The following HTR7 variants were observed in gnomAD, a reference collection of about 807,000 sequenced individuals.
The protein encoded by HTR7 is 5-HT-7.
Under a neutral mutation model 34.0 loss-of-function variants are expected in HTR7, and 16 were observed. The observed-to-expected ratio is 0.47, with a 90% CI of 0.32 to 0.71. HTR7 has a LOEUF of 0.71. Among genes scored for constraint, HTR7 ranks in the 30% least tolerant of loss-of-function variants. HTR7 has a pLI of 0.04. For synonymous variants in HTR7, 265 were observed against 260.2 expected (o/e 1.02, Z -0.18); for missense variants, 504 against 625.5 (o/e 0.81, Z 2.07).
intron 1 of HTR7, among the ~76,000 whole-genome samples, chr10:90,845,000 T>C (rs1846392084): frequency 1.3e-5 from 2 of 152,190 alleles, no homozygotes; most frequent in African/African-American, 4.8e-5. Context: ...CCCAAGAGGC[T>C]ACTGTGAGTG....
intron 2 of HTR7, among the ~76,000 whole-genome samples, chr10:90,746,144 T>A (rs1844629874): frequency 1.3e-5 from 2 of 152,198 alleles, no homozygotes. Context: ...TTTTGTTATT[T>A]TCAGAATGGA....
In HTR7 at chr10:90,824,571, T is replaced by C. The variant is rs549838514; in HGVS notation, c.539+32562A>G. ...GCTGGGTAGAGCACCAAGCAGGCCCTTGGTGTTCCCTAATTCCAGGCCTTG... is the reference window on the plus strand; with the variant it reads ...GCTGGGTAGAGCACCAAGCAGGCCCCTGGTGTTCCCTAATTCCAGGCCTTG... On this transcript the variant is annotated intron_variant, in intron 1 of 3. Coordinates refer to ENST00000336152, the MANE Select transcript of HTR7 (RefSeq NM_019859.4). Among the ~76,000 whole-genome samples the C allele has an allele frequency of 2.6e-5, 4 of 152,324 alleles. No homozygotes were observed. The South Asian group carries it at 8.3e-4, about 32-fold the overall frequency.
intron 1 of HTR7, among the ~76,000 whole-genome samples, chr10:90,844,726 C>CAAAAAAAAAAAAAAAAAA (rs71025328): frequency 2.5e-5 from 1 of 39,476 alleles, no homozygotes; most frequent in Non-Finnish European, 5.0e-5. Flanking sequence ...GACTCCGTCT[C>CAAAAAAAAAAAAAAAAAA]AAAAAAAAAA....
rs1456060957 is a variant in HTR7, at chr10:90,831,323, T to C, written c.539+25810A>G. Among the ~76,000 whole-genome samples the C allele has an allele frequency of 3.9e-5, 6 of 152,222 alleles. No individual in the cohort carries two copies. The East Asian group carries it at 9.7e-4, about 24-fold the overall frequency. On this transcript the variant is annotated intron_variant, in intron 1 of 3. Coordinates refer to ENST00000336152, the MANE Select transcript of HTR7 (RefSeq NM_019859.4). ...GAGTTTCTTCCTTCTGGTGGGTTCA[T>C]GGTCTCGCTGACTCAGGAGTGAAGC...
chr10:90,786,459 T>C (rs78606578), intron 1 of HTR7, among the ~76,000 whole-genome samples: 2,600 of 152,298 alleles, frequency 0.017, 85 homozygotes, highest in African/African-American at 0.058. Context: ...TATTTGTTCC[T>C]AATATCTAAG....
At chr10:90,830,055 C>T (rs1048413678) in intron 1 of HTR7, among the ~76,000 whole-genome samples, 5 of 152,236 alleles carry the variant, frequency 3.3e-5, no homozygotes, top group South Asian at 2.1e-4. Context: ...ACACCAATGA[C>T]ATTTCTCACA....
intron 1 of HTR7, among the ~76,000 whole-genome samples, chr10:90,803,735 G>A (rs774992557): frequency 2.6e-5 from 4 of 152,140 alleles, no homozygotes; most frequent in African/African-American, 7.2e-5. Flanking sequence ...CCTACCTACT[G>A]TAACAATTCT....
intron 1 of HTR7, among the ~76,000 whole-genome samples, chr10:90,796,274 A>G (rs1845536621): frequency 6.6e-6 from 1 of 152,228 alleles, no homozygotes; most frequent in Non-Finnish European, 1.5e-5. Context: ...TACTGTCACA[A>G]CTAACTGAAT....
intron 2 of HTR7, chr10:90,744,098 C>G: frequency 2.8e-6 from 1 of 357,594 alleles, no homozygotes; most frequent in South Asian, 2.3e-5. Flanking sequence ...GACTAGAAGC[C>G]CAGAAGCTAG....
At position 90,826,712 on chromosome 10, in the gene HTR7, C is replaced by T. The variant is rs182626455; in HGVS notation, c.539+30421G>A. 8.5e-4 allele frequency among the ~76,000 whole-genome samples: 129 copies of T among 151,662 alleles called. 1 individual carries two copies. In the East Asian group the frequency reaches 0.011, roughly 12 times the overall value. On this transcript the variant is annotated intron_variant, in intron 1 of 3. Coordinates refer to ENST00000336152, the MANE Select transcript of HTR7 (RefSeq NM_019859.4). The stretch of plus-strand genomic sequence containing the variant: ...CAGCACTTTGGGAGGCTGAGGCGGG[C>T]GGATCACGAGCTCAGGAGATCGAGA...
chr10:90,805,485 T>C (rs1342207861), intron 1 of HTR7, among the ~76,000 whole-genome samples: 1 of 152,152 alleles, frequency 6.6e-6, no homozygotes, highest in Non-Finnish European at 1.5e-5. Flanking sequence ...GACAGTGTCT[T>C]AAAGTTAACA....
Position 90,857,054 on chromosome 10 carries a change from C to G in HTR7, c.539+79G>C, listed in dbSNP as rs1846591675. ...CGCCTTGAAGTCTAGCTTGATCCTC[C>G]CAGGAAAGGCGAGCGCGCGGGGCTG... On this transcript the variant is annotated intron_variant, in intron 1 of 3. Coordinates refer to ENST00000336152, the MANE Select transcript of HTR7 (RefSeq NM_019859.4). The surrounding 1 kb of genome is among the most constrained non-coding windows in gnomAD (Gnocchi z 6.5). The G allele has an allele frequency of 1.5e-6, 2 of 1,337,454 alleles. No individual in the cohort carries two copies. Among genetic ancestry groups the G allele is most frequent in the Non-Finnish European group, 2.0e-6 (2 of 990,268 alleles). The allele number at this position is 1,337,454 out of a possible 1,614,324, so 82.8% of individuals were successfully genotyped here. A position where few individuals can be genotyped will look rare whatever the true frequency, so the allele number is the denominator to read the frequency against.
At chr10:90,804,243 C>T (rs1845669803) in intron 1 of HTR7, among the ~76,000 whole-genome samples, 1 of 152,132 alleles carries the variant, frequency 6.6e-6, no homozygotes. Context: ...CTCCATCACT[C>T]AACAAAACCT....
chr10:90,746,060 T>C (rs1050471205), intron 2 of HTR7, among the ~76,000 whole-genome samples: 1 of 152,220 alleles, frequency 6.6e-6, no homozygotes, highest in Admixed American at 6.5e-5. Context: ...AACACAGATG[T>C]CCTGGGCTCA....
intron 1 of HTR7, among the ~76,000 whole-genome samples, chr10:90,856,391 T>A (rs998996552): frequency 6.6e-6 from 1 of 152,174 alleles, no homozygotes. Context: ...CCTAGTTCAA[T>A]ATGACACCCA....
intron 1 of HTR7, among the ~76,000 whole-genome samples, chr10:90,781,950 C>G (rs1363422169): frequency 6.6e-6 from 1 of 152,224 alleles, no homozygotes; most frequent in Admixed American, 6.5e-5. Context: ...GCACTTTCTC[C>G]TTTGACTGCA....
intron 1 of HTR7, among the ~76,000 whole-genome samples, chr10:90,759,830 G>A (rs1042339951): frequency 6.6e-6 from 1 of 152,194 alleles, no homozygotes; most frequent in East Asian, 1.9e-4. Context: ...AGCAAGGTAG[G>A]ATACAGTGTT....
At chr10:90,771,083 G>A (rs757266012) in intron 1 of HTR7, among the ~76,000 whole-genome samples, 11 of 152,264 alleles carry the variant, frequency 7.2e-5, no homozygotes, top group Non-Finnish European at 1.5e-4. Flanking sequence ...AACACTCATC[G>A]GGATGACCAG....
At chr10:90,782,814 A>G (rs1274206700) in intron 1 of HTR7, among the ~76,000 whole-genome samples, 1 of 152,022 alleles carries the variant, frequency 6.6e-6, no homozygotes, top group Non-Finnish European at 1.5e-5. Context: ...AATCCGCTTC[A>G]TTTTTGAGGT....
Sources: gnomAD v4.1 joint callset for allele counts (sites outside exome capture counted in the v4.1 genomes callset) on GRCh38, gnomAD v4.1.1 for gene constraint, Gnocchi (gnomAD v3.1) non-coding constraint, MANE v1.5 for transcripts, NCBI Gene and HGNC (gene_info 2026-07-23, HGNC 2026-07-21) for gene names.